Variants in PTGFRN observed in about 807,000 individuals in gnomAD.
The protein encoded by PTGFRN is prostaglandin F2 receptor negative regulator.
In PTGFRN, 35 loss-of-function variants were observed where a neutral mutation model predicts 83.2. That is an observed-to-expected ratio of 0.42 (90% CI 0.32 to 0.56). The LOEUF is 0.56. Ranked by LOEUF, PTGFRN falls within the 20% of genes least tolerant of loss-of-function variation. The pLI, the probability that PTGFRN is intolerant of heterozygous loss-of-function variation, is 0.11. For synonymous variants in PTGFRN, 519 were observed against 498.6 expected, an observed-to-expected ratio of 1.04 and a Z score of -0.55; for missense variants, 1,051 against 1,179.5, an observed-to-expected ratio of 0.89 and a Z score of 1.60.
intron 6 of PTGFRN, among the ~76,000 whole-genome samples, chr1:116,970,606 G>A (rs1439940084): frequency 1.3e-5 from 2 of 152,120 alleles, no homozygotes; most frequent in African/African-American, 2.4e-5. Context: ...AGATAAAACC[G>A]CTGTAGCTTC....
At chr1:116,966,469 C>A (rs912198549) in intron 5 of PTGFRN, among the ~76,000 whole-genome samples, 28 of 152,206 alleles carry the variant, frequency 1.8e-4, no homozygotes, top group Non-Finnish European at 2.1e-4. Flanking sequence ...ACTTCCCCTG[C>A]ACTTAGCAGA....
At chr1:116,956,341 T>A (rs1650491504) in intron 4 of PTGFRN, among the ~76,000 whole-genome samples, 1 of 152,246 alleles carries the variant, frequency 6.6e-6, no homozygotes, top group South Asian at 2.1e-4. Context: ...TTGAGGTCAA[T>A]GAAGAGATTT....
chr1:116,972,154 C>A (rs1427996778), intron 6 of PTGFRN, among the ~76,000 whole-genome samples: 1 of 152,184 alleles, frequency 6.6e-6, no homozygotes, highest in Non-Finnish European at 1.5e-5. Flanking sequence ...CAGAGCAAGT[C>A]CAGGGTATAA....
chr1:116,915,350 C>T (rs1038919011), intron 1 of PTGFRN, among the ~76,000 whole-genome samples: 9 of 152,124 alleles, frequency 5.9e-5, no homozygotes, highest in Admixed American at 2.0e-4. Context: ...GCTCTGAGGA[C>T]GGGCCGAAAT....
In PTGFRN at chr1:116,950,642, C is replaced by CT. The variant is rs138982673; in HGVS notation, c.1213+1080dup. On this transcript the variant is annotated intron_variant, in intron 4 of 8. Transcript: ENST00000393203. ...TTGGGTTAGTGGCATATTCGCTCTC[C>CT]TTTTTTTTTTCCTCCCCAGTAAGCC... 9.0e-4 allele frequency among the ~76,000 whole-genome samples: 135 copies of CT among 149,372 alleles called. 1 individual carries two copies. The highest frequency in any genetic ancestry group is 2.8e-4 in the Non-Finnish European group (19 of 67,038).
intron 1 of PTGFRN, among the ~76,000 whole-genome samples, chr1:116,919,969 C>T (rs904968489): frequency 2.6e-5 from 4 of 152,224 alleles, no homozygotes; most frequent in Non-Finnish European, 2.9e-5. Flanking sequence ...AAAGGTCTCC[C>T]CTTCCATCTC....
chr1:116,967,895 G>T (rs6687664), intron 6 of PTGFRN, among the ~76,000 whole-genome samples: 1 of 152,040 alleles, frequency 6.6e-6, no homozygotes, highest in African/African-American at 2.4e-5. Context: ...GGACATTCAT[G>T]TACAAATTTT....
intron 1 of PTGFRN, among the ~76,000 whole-genome samples, chr1:116,929,173 CTTG>C (rs1041578879): frequency 9.2e-5 from 14 of 152,204 alleles, no homozygotes; most frequent in Admixed American, 1.3e-4. Flanking sequence ...CTAGATCATT[CTTG>C]ATTGCTCTCT....
Position 116,910,035 on chromosome 1 carries a change from C to G in PTGFRN, c.-169C>G. On this transcript the variant is annotated 5_prime_UTR_variant, in exon 1 of 9. Coordinates refer to ENST00000393203, the MANE Select transcript of PTGFRN (RefSeq NM_020440.4). ...GGGAGGGAGCGAGCGGAGCCAGGGG[C>G]GCACGTACGCCCCAGCGCTGGGATT... The G allele has an allele frequency of 1.3e-6, 1 of 754,456 alleles. No homozygotes were observed. The highest frequency in any genetic ancestry group is 2.2e-6 in the Non-Finnish European group (1 of 450,824). The allele number at this position is 754,456 out of a possible 1,614,324, so 46.7% of individuals were successfully genotyped here. A position where few individuals can be genotyped will look rare whatever the true frequency, so the allele number is the denominator to read the frequency against.
intron 1 of PTGFRN, among the ~76,000 whole-genome samples, chr1:116,915,229 A>G (rs779381984): frequency 6.6e-6 from 1 of 152,224 alleles, no homozygotes; most frequent in Non-Finnish European, 1.5e-5. Context: ...ATTTAAAAAT[A>G]GGAGGATCCA....
At chr1:116,945,122 T>C in intron 3 of PTGFRN, 30 bp downstream of exon 3, 2 of 1,568,416 alleles carry the variant, frequency 1.3e-6, no homozygotes, top group South Asian at 2.3e-5. Context: ...TTATAGGTGA[T>C]GTTATTTTGT....
intron 1 of PTGFRN, among the ~76,000 whole-genome samples, chr1:116,939,023 G>A (rs1649989600): frequency 6.6e-6 from 1 of 152,260 alleles, no homozygotes; most frequent in African/African-American, 2.4e-5. Context: ...GGGTTCCCAT[G>A]GTCTTGGGCA....
Position 116,910,054 on chromosome 1 carries a change from T to A in PTGFRN, c.-150T>A, listed in dbSNP as rs1039925477. 13 of 857,020 alleles carry A rather than the reference T, an allele frequency of 1.5e-5. No homozygotes were observed. The highest frequency in any genetic ancestry group is 2.2e-5 in the Non-Finnish European group (12 of 540,170). The allele number at this position is 857,020 out of a possible 1,614,324, so 53.1% of individuals were successfully genotyped here. On this transcript the variant is annotated 5_prime_UTR_variant, in exon 1 of 9. Coordinates refer to ENST00000393203, the MANE Select transcript of PTGFRN (RefSeq NM_020440.4). ...CAGGGGCGCACGTACGCCCCAGCGC[T>A]GGGATTTATCGGCTCGCGAGGAGAG...
At chr1:116,925,212 G>T (rs753451) in intron 1 of PTGFRN, among the ~76,000 whole-genome samples, 25,150 of 152,012 alleles carry the variant, frequency 0.17, 4,432 homozygotes, top group African/African-American at 0.44. Flanking sequence ...CGGATCGCTT[G>T]AGGCCAGAAG....
At chr1:116,972,059 G>A (rs571704323) in intron 6 of PTGFRN, among the ~76,000 whole-genome samples, 29 of 152,220 alleles carry the variant, frequency 1.9e-4, no homozygotes, top group South Asian at 6.2e-4. Flanking sequence ...ACAGGTGGCC[G>A]CCTATGGCAT....
At position 116,986,815 on chromosome 1, in the gene PTGFRN, A is replaced by C; in HGVS notation, c.2488A>C (p.Lys830Gln). The C allele has an allele frequency of 6.2e-7, 1 of 1,614,108 alleles. No individual in the cohort carries two copies. Among genetic ancestry groups the C allele is most frequent in the Non-Finnish European group, 8.5e-7 (1 of 1,179,992 alleles). Residue 830 changes from lysine to glutamine, a missense_variant, in exon 9 of 9, where the codon AAG (lysine) becomes CAG (glutamine). Lys to Gln is a moderately conservative substitution (Grantham distance 53). This residue lies in a region of PTGFRN where 719 missense variants were observed against 836.6 expected (regional missense o/e 0.86). Coordinates refer to ENST00000393203, the MANE Select transcript of PTGFRN (RefSeq NM_020440.4). The stretch of plus-strand genomic sequence containing the variant: ...CTCCCTCCCAGTGCTGAACGCCTTC[A>C]AGTATCCCTTGCTGATCGGCGTCGG... The part of the protein sequence containing the change: ...TVKMDVLNAF[K>Q]YPLLIGVGLS...
At chr1:116,957,503 A>G (rs1650533589) in intron 4 of PTGFRN, among the ~76,000 whole-genome samples, 1 of 152,156 alleles carries the variant, frequency 6.6e-6, no homozygotes. Flanking sequence ...TAATTGACAG[A>G]TTAAAATTAT....
intron 1 of PTGFRN, among the ~76,000 whole-genome samples, chr1:116,932,287 G>A (rs926867160): frequency 3.3e-5 from 5 of 152,192 alleles, no homozygotes; most frequent in Non-Finnish European, 7.3e-5. Context: ...CATTGCAGGA[G>A]TAGTTGTTTA....
intron 4 of PTGFRN, among the ~76,000 whole-genome samples, chr1:116,960,563 C>G (rs1650621863): frequency 6.6e-6 from 1 of 152,192 alleles, no homozygotes; most frequent in Admixed American, 6.5e-5. Context: ...GCAAGATTCA[C>G]AGTGACACAG....
Sources: gnomAD v4.1 joint callset for allele counts (sites outside exome capture counted in the v4.1 genomes callset) on GRCh38, gnomAD v4.1.1 for gene constraint, gnomAD v4.1.1 regional missense constraint, MANE v1.5 for transcripts, NCBI Gene and HGNC (gene_info 2026-07-23, HGNC 2026-07-21) for gene names.